NMNAT3: variants seen among roughly 807,000 people sequenced by gnomAD.
The protein encoded by NMNAT3 is nicotinamide/nicotinic acid mononucleotide adenylyltransferase 3.
NMNAT3 carries 21 observed loss-of-function variants against 24.8 expected under a neutral mutation model. The ratio of observed to expected loss-of-function variants is 0.85; its 90% CI spans 0.60 to 1.22. The LOEUF is 1.22. Among genes scored for constraint, NMNAT3 ranks in the 50% most tolerant of loss-of-function variants. NMNAT3 has a pLI of 0.00. For synonymous variants in NMNAT3, 136 were observed against 155.2 expected (o/e 0.88, Z 0.92); for missense variants, 387 against 436.6 (o/e 0.89, Z 1.01).
intron 1 of NMNAT3, 58 bp downstream of exon 1, chr3:139,677,647 G>T (rs935568601): frequency 1.1e-4 from 17 of 152,244 alleles, no homozygotes; most frequent in African/African-American, 4.1e-4. Flanking sequence ...CGTGGGCCCG[G>T]GCATTCAGCC....
chr3:139,625,480 A>T (rs370024950), intron 3 of NMNAT3, among the ~76,000 whole-genome samples: 1 of 152,184 alleles, frequency 6.6e-6, no homozygotes, highest in East Asian at 1.9e-4. Flanking sequence ...ATTAACTATA[A>T]CTGCTTCATT....
intron 1 of NMNAT3, among the ~76,000 whole-genome samples, chr3:139,652,593 C>G (rs977611210): frequency 1.3e-5 from 2 of 152,176 alleles, no homozygotes; most frequent in African/African-American, 4.8e-5. Flanking sequence ...GGGGCAACAG[C>G]ACTTCTCAGT....
intron 1 of NMNAT3, among the ~76,000 whole-genome samples, chr3:139,661,695 A>G (rs966078510): frequency 5.3e-5 from 8 of 152,160 alleles, no homozygotes; most frequent in African/African-American, 1.9e-4. Flanking sequence ...ATTGGAAACA[A>G]TAACAGTATA....
At chr3:139,573,703 C>A in intron 5 of NMNAT3, 23 bp from the exon 6 acceptor site, 1 of 1,417,800 alleles carries the variant, frequency 7.1e-7, no homozygotes, top group East Asian at 2.4e-5. Context: ...CATATGGGCT[C>A]AGGGTATGTC....
intron 3 of NMNAT3, among the ~76,000 whole-genome samples, chr3:139,605,222 C>G (rs1206574972): frequency 6.6e-6 from 1 of 152,168 alleles, no homozygotes; most frequent in Non-Finnish European, 1.5e-5. Context: ...TCCTCCTCAT[C>G]CTTATTCATT....
intron 6 of NMNAT3, chr3:139,566,276 GAGT>G (rs1316858548): frequency 6.6e-6 from 1 of 151,878 alleles, no homozygotes; most frequent in Non-Finnish European, 1.5e-5. Flanking sequence ...TTTGTCAGAT[GAGT>G]AGGTTGCAAA....
chr3:139,614,406 G>A (rs907996981), intron 3 of NMNAT3, among the ~76,000 whole-genome samples: 10 of 152,176 alleles, frequency 6.6e-5, no homozygotes, highest in African/African-American at 2.4e-4. Flanking sequence ...CCATTGAGGA[G>A]GCCTCATAGA....
chr3:139,594,187 T>C (rs905351291), intron 3 of NMNAT3, among the ~76,000 whole-genome samples: 1 of 152,156 alleles, frequency 6.6e-6, no homozygotes, highest in Admixed American at 6.5e-5. Flanking sequence ...CAAACAACTC[T>C]ATGCAAATAA....
chr3:139,573,972 C>CA lies in NMNAT3; in HGVS notation c.576-293dup, dbSNP rs371167978. ...TTTTAACATTTTCTTCAATATTTCT[C>CA]AAAAAAAAAAGGAGGCACTGCTGAG... is the stretch of plus-strand genomic sequence containing the variant. On this transcript the variant is annotated intron_variant, in intron 5 of 6. Transcript: ENST00000643695. Among the ~76,000 whole-genome samples, 1,309 of 146,694 alleles carry CA rather than the reference C, an allele frequency of 8.9e-3. 21 individuals are homozygous for CA. The highest frequency in any genetic ancestry group is 0.029 in the African/African-American group (1,168 of 40,194).
intron 4 of NMNAT3, chr3:139,582,895 G>A (rs1262138631): frequency 3.1e-6 from 4 of 1,310,596 alleles, no homozygotes; most frequent in Non-Finnish European, 4.0e-6. Flanking sequence ...GGAGGGAGGA[G>A]CAGTCCAAAA....
intron 1 of NMNAT3, among the ~76,000 whole-genome samples, chr3:139,651,174 C>T (rs1457282959): frequency 1.3e-5 from 2 of 152,152 alleles, no homozygotes; most frequent in Admixed American, 6.5e-5. Context: ...AAGTAAGAGA[C>T]CCACTCAGGC....
intron 1 of NMNAT3, among the ~76,000 whole-genome samples, chr3:139,660,170 C>T (rs569036017): frequency 6.6e-6 from 1 of 152,310 alleles, no homozygotes; most frequent in South Asian, 2.1e-4. Flanking sequence ...TGAGTACAGA[C>T]AGGGTGGGTC....
At chr3:139,626,275 A>T (rs1242300973) in intron 3 of NMNAT3, among the ~76,000 whole-genome samples, 1 of 151,830 alleles carries the variant, frequency 6.6e-6, no homozygotes, top group Non-Finnish European at 1.5e-5. Context: ...GTTTTCCCGT[A>T]TCTCATTGTT....
At chr3:139,655,775 T>C (rs2057219874) in intron 1 of NMNAT3, among the ~76,000 whole-genome samples, 1 of 152,206 alleles carries the variant, frequency 6.6e-6, no homozygotes, top group Non-Finnish European at 1.5e-5. Flanking sequence ...GACCAGTCCT[T>C]CCAGATGGGC....
Position 139,677,701 on chromosome 3 carries a change from T to G in NMNAT3, c.-141+4A>C, listed in dbSNP as rs2057979578. Reference sequence around the variant, plus strand: ...GGCTGACGAGGGGCCCACGCTGCGCTTACCTGCTATTTGCAGGGCTCAGCA... The same window carrying G: ...GGCTGACGAGGGGCCCACGCTGCGCGTACCTGCTATTTGCAGGGCTCAGCA... On this transcript the variant is annotated splice_donor_region_variant and intron_variant, in intron 1 of 6. Coordinates refer to ENST00000643695, the MANE Select transcript of NMNAT3 (RefSeq NM_001320510.2). 6.6e-6 allele frequency: 1 copy of G among 152,150 alleles called. No homozygotes were observed. The highest frequency in any genetic ancestry group is 2.1e-4 in the South Asian group (1 of 4,826). 9.4% of individuals were successfully genotyped at this position (152,150 alleles called of 1,614,324 possible).
At chr3:139,625,105 C>T (rs1281323453) in intron 3 of NMNAT3, among the ~76,000 whole-genome samples, 2 of 152,182 alleles carry the variant, frequency 1.3e-5, no homozygotes, top group African/African-American at 2.4e-5. Flanking sequence ...ATTTATCCCA[C>T]GTAATATTCA....
intron 3 of NMNAT3, among the ~76,000 whole-genome samples, chr3:139,604,727 G>A (rs986628140): frequency 1.5e-4 from 23 of 152,176 alleles, no homozygotes; most frequent in African/African-American, 5.6e-4. Context: ...GTGTACATCA[G>A]TTGTATAAAT....
chr3:139,613,622 A>T (rs1419251471), intron 3 of NMNAT3, among the ~76,000 whole-genome samples: 1 of 152,180 alleles, frequency 6.6e-6, no homozygotes, highest in Non-Finnish European at 1.5e-5. Context: ...TGACCCAGCC[A>T]TCCCATTACT....
At position 139,636,205 on chromosome 3, in the gene NMNAT3, T is replaced by C. The variant is rs116543747; in HGVS notation, c.-41+1758A>G. 2.9e-3 allele frequency: 447 copies of C among 152,332 alleles called. 6 individuals are homozygous for C. The highest frequency in any genetic ancestry group is 9.4e-3 in the African/African-American group (391 of 41,580). 9.4% of individuals were successfully genotyped at this position (152,332 alleles called of 1,614,324 possible). ...CTGCTATGCCAATATTTAATGAATG[T>C]TTATTGGGTTAGTATATAAAAATGG... On this transcript the variant is annotated intron_variant, in intron 2 of 6. Coordinates refer to ENST00000643695, the MANE Select transcript of NMNAT3 (RefSeq NM_001320510.2).
Sources: allele counts gnomAD v4.1 joint callset (sites outside exome capture counted in the v4.1 genomes callset), GRCh38; gene constraint gnomAD v4.1.1; transcripts MANE v1.5; gene names NCBI Gene and HGNC (gene_info 2026-07-23, HGNC 2026-07-21).